The following PALM2AKAP2 variants were observed in gnomAD, a reference collection of about 807,000 sequenced individuals.
PALM2AKAP2 encodes PALM2 and AKAP2 fusion, also known as PALM2-AKAP2 fusion protein.
A neutral mutation model predicts 71.5 loss-of-function variants in PALM2AKAP2; 37 were observed. The observed-to-expected ratio is 0.52, with a 90% CI of 0.40 to 0.68. PALM2AKAP2 has a LOEUF of 0.68. Among genes scored for constraint, PALM2AKAP2 ranks in the 30% least tolerant of loss-of-function variants. The pLI, the probability that PALM2AKAP2 is intolerant of heterozygous loss-of-function variation, is 0.00. For missense variants in PALM2AKAP2, 1,224 were observed against 1,191.8 expected, an observed-to-expected ratio of 1.03 and a Z score of -0.40; for synonymous variants, 468 against 478.8, an observed-to-expected ratio of 0.98 and a Z score of 0.29.
chr9:109,698,267 G>A (rs1356290739), intron 1 of PALM2AKAP2, among the ~76,000 whole-genome samples: 1 of 147,990 alleles, frequency 6.8e-6, no homozygotes, highest in East Asian at 2.0e-4. Flanking sequence ...CTGCATGTGT[G>A]CTACATTTTT....
At chr9:109,804,120 T>C (rs1827512903) in intron 1 of PALM2AKAP2, among the ~76,000 whole-genome samples, 1 of 152,190 alleles carries the variant, frequency 6.6e-6, no homozygotes, top group African/African-American at 2.4e-5. Context: ...GCAGCCAAGT[T>C]TCCTGCTTTA....
At chr9:110,141,648 A>G (rs1406816983) in intron 2 of PALM2AKAP2, among the ~76,000 whole-genome samples, 1 of 152,188 alleles carries the variant, frequency 6.6e-6, no homozygotes, top group Admixed American at 6.5e-5. Flanking sequence ...TGGTTTTGTG[A>G]ATGGAGGTGT....
At chr9:110,158,258 T>A (rs1328999433) in intron 3 of PALM2AKAP2, among the ~76,000 whole-genome samples, 1 of 152,262 alleles carries the variant, frequency 6.6e-6, no homozygotes, top group Non-Finnish European at 1.5e-5. Context: ...AACTTGGTGC[T>A]CTAGGTGTCT....
At chr9:110,039,212 G>T (rs1833471168) in intron 7 of PALM2AKAP2, among the ~76,000 whole-genome samples, 2 of 152,114 alleles carry the variant, frequency 1.3e-5, no homozygotes, top group South Asian at 4.1e-4. Flanking sequence ...TCATGCTACT[G>T]CACTCCAGCC....
In PALM2AKAP2 at chr9:110,145,891, C is replaced by CTTTTT. The variant is rs61137720; in HGVS notation, c.2569+7373_2569+7377dup. ...AAACCTGCCTGTCAGCCTCACTCTT[C>CTTTTT]TTTTTTTTTTTTTTTTTTTTTTTTT... is the stretch of plus-strand genomic sequence containing the variant. On this transcript the variant is annotated intron_variant, in intron 2 of 3. Coordinates refer to ENST00000374525, the Ensembl canonical transcript of PALM2AKAP2. Among the ~76,000 whole-genome samples the CTTTTT allele has an allele frequency of 6.6e-3, 424 of 64,470 alleles. 2 individuals carry two copies. The highest frequency in any genetic ancestry group is 7.5e-3 in the Non-Finnish European group (278 of 36,848). 42.3% of individuals were successfully genotyped at this position (64,470 alleles called of 152,430 possible).
rs866603173 is a variant in PALM2AKAP2, at chr9:109,998,627, G to C, written c.497-17327G>C. Among the ~76,000 whole-genome samples the C allele has an allele frequency of 2.7e-3, 374 of 136,356 alleles. 4 individuals are homozygous for C. The highest frequency in any genetic ancestry group is 0.01 in the African/African-American group (360 of 34,396). 89.5% of individuals were successfully genotyped at this position (136,356 alleles called of 152,430 possible). ...TAATATGGTACTTTCTGACCAGGGC[G>C]GGGGAGTGGGGAGCCTGTAGTCTCA... On this transcript the variant is annotated intron_variant, in intron 6 of 9. Transcript: ENST00000302798.
In PALM2AKAP2 at chr9:110,156,323, A is replaced by G. The variant is rs1253671064; in HGVS notation, c.2574A>G (p.Lys858=). The G allele has an allele frequency of 4.4e-6, 7 of 1,573,906 alleles. No individual in the cohort carries two copies. In the Admixed American group the frequency reaches 1.2e-4, roughly 26 times the overall value. ...ATTTTCTTCGTGTTGTTTCAGGGAA[A>G]ATAGAGAAAGTCAAACCTCCTCCAT... The change falls in exon 3 of 4, where the codon AAA becomes AAG. Residue 858 remains lysine (K), a synonymous_variant. Coordinates refer to ENST00000374525, the Ensembl canonical transcript of PALM2AKAP2.
At chr9:109,847,158 T>C (rs1263866562) in intron 1 of PALM2AKAP2, among the ~76,000 whole-genome samples, 4 of 152,108 alleles carry the variant, frequency 2.6e-5, no homozygotes, top group Non-Finnish European at 5.9e-5. Flanking sequence ...CAATTAGGAA[T>C]CTTGAGATGC....
intron 1 of PALM2AKAP2, among the ~76,000 whole-genome samples, chr9:109,744,657 G>C (rs1828771802): frequency 1.3e-5 from 2 of 152,160 alleles, no homozygotes; most frequent in South Asian, 4.1e-4. Flanking sequence ...CCCAAACAAG[G>C]CTTTATTGCC....
At chr9:109,721,383 C>T (rs777553541) in intron 1 of PALM2AKAP2, among the ~76,000 whole-genome samples, 5 of 152,168 alleles carry the variant, frequency 3.3e-5, no homozygotes, top group Non-Finnish European at 7.4e-5. Context: ...CTGCAGAGAT[C>T]GCTTTCTATT....
chr9:109,897,125 G>C (rs1830220558), intron 3 of PALM2AKAP2, among the ~76,000 whole-genome samples: 1 of 152,172 alleles, frequency 6.6e-6, no homozygotes, highest in Non-Finnish European at 1.5e-5. Flanking sequence ...AGAGTTGAGG[G>C]TTAAGAGTAA....
intron 6 of PALM2AKAP2, among the ~76,000 whole-genome samples, chr9:109,991,543 C>T (rs1810097396): frequency 6.6e-6 from 1 of 152,168 alleles, no homozygotes; most frequent in African/African-American, 2.4e-5. Context: ...TTAGCCACCA[C>T]ACTTGGCCAC....
chr9:109,677,952 C>T (rs1448870160), intron 1 of PALM2AKAP2, among the ~76,000 whole-genome samples: 1 of 152,090 alleles, frequency 6.6e-6, no homozygotes, highest in Non-Finnish European at 1.5e-5. Context: ...AAATTAGTAC[C>T]CGATAAACTC....
At chr9:109,746,032 C>G (rs1174713944) in intron 1 of PALM2AKAP2, among the ~76,000 whole-genome samples, 1 of 152,208 alleles carries the variant, frequency 6.6e-6, no homozygotes, top group Non-Finnish European at 1.5e-5. Flanking sequence ...GTGCTGTAAT[C>G]TTTGCCAGGG....
chr9:109,658,965 T>G (rs958672090), intron 1 of PALM2AKAP2, among the ~76,000 whole-genome samples: 1 of 152,208 alleles, frequency 6.6e-6, no homozygotes, highest in African/African-American at 2.4e-5. Flanking sequence ...ATTTACAGAT[T>G]GTTTAACTCC....
intron 1 of PALM2AKAP2, among the ~76,000 whole-genome samples, chr9:109,647,560 A>G (rs1217232023): frequency 2.6e-5 from 4 of 152,170 alleles, no homozygotes; most frequent in African/African-American, 9.7e-5. Context: ...ATTGCCATTC[A>G]TCATGTTTGA....
chr9:110,018,769 A>G (rs530581130), intron 7 of PALM2AKAP2, among the ~76,000 whole-genome samples: 1 of 152,294 alleles, frequency 6.6e-6, no homozygotes. Context: ...GCTTGTTTCT[A>G]TCTTCTCCTT....
At chr9:109,942,807 T>C (rs2132044229) in intron 6 of PALM2AKAP2, 1 of 1,614,152 alleles carries the variant, frequency 6.2e-7, no homozygotes, top group Non-Finnish European at 8.5e-7. Flanking sequence ...TCTATGATGA[T>C]GGTACCAAAG....
chr9:110,082,164 T>C (rs1483273840), intron 1 of PALM2AKAP2, among the ~76,000 whole-genome samples: 1 of 152,028 alleles, frequency 6.6e-6, no homozygotes, highest in East Asian at 1.9e-4. Flanking sequence ...CTTGGCTCAC[T>C]GCAACCTCTG....
Sources: gnomAD v4.1 joint callset for allele counts (sites outside exome capture counted in the v4.1 genomes callset) on GRCh38, gnomAD v4.1.1 for gene constraint, MANE v1.5 for transcripts, NCBI Gene and HGNC (gene_info 2026-07-23, HGNC 2026-07-21) for gene names.